SGCG: variants seen among roughly 807,000 people sequenced by gnomAD.
The protein encoded by SGCG is gamma-sarcoglycan.
Under a neutral mutation model 29.3 loss-of-function variants are expected in SGCG, and 26 were observed. The ratio of observed to expected loss-of-function variants is 0.89; its 90% CI spans 0.65 to 1.23. The LOEUF is 1.23. Ranked by LOEUF, SGCG falls within the 50% of genes most tolerant of loss-of-function variation. SGCG has a pLI of 0.00. For synonymous variants in SGCG, 145 were observed against 129.7 expected (o/e 1.12, Z -0.80); for missense variants, 353 against 356.0 (o/e 0.99, Z 0.07).
chr13:23,298,096 C>G (rs1280635796), intron 6 of SGCG, among the ~76,000 whole-genome samples: 1 of 133,608 alleles, frequency 7.5e-6, no homozygotes, highest in Non-Finnish European at 1.7e-5. Flanking sequence ...TGGCTCACAC[C>G]TGTAATCCCA....
At chr13:23,303,160 T>A (rs965239293) in intron 6 of SGCG, among the ~76,000 whole-genome samples, 1 of 150,272 alleles carries the variant, frequency 6.7e-6, no homozygotes, top group Non-Finnish European at 1.5e-5. Flanking sequence ...GTGTAATACA[T>A]CATAATCGAT....
chr13:23,235,527 C>T (rs1879277068), intron 3 of SGCG, among the ~76,000 whole-genome samples: 1 of 152,142 alleles, frequency 6.6e-6, no homozygotes, highest in South Asian at 2.1e-4. Flanking sequence ...TCAAGGTTTT[C>T]TTCATTTACC....
intron 6 of SGCG, among the ~76,000 whole-genome samples, chr13:23,317,601 T>C (rs1361097296): frequency 2.0e-5 from 3 of 152,242 alleles, no homozygotes; most frequent in African/African-American, 7.2e-5. Context: ...CTTTATTTTC[T>C]TTTCCTTTAT....
chr13:23,234,330 A>ATTT (rs1879224214), intron 2 of SGCG, among the ~76,000 whole-genome samples: 1 of 151,292 alleles, frequency 6.6e-6, no homozygotes, highest in African/African-American at 2.4e-5. Flanking sequence ...ATTTTTTTTA[A>ATTT]AAAAATGGAT....
At chr13:23,219,326 C>T (rs865794071) in intron 2 of SGCG, among the ~76,000 whole-genome samples, 2 of 152,084 alleles carry the variant, frequency 1.3e-5, no homozygotes, top group African/African-American at 4.8e-5. Context: ...GGATTACAGG[C>T]GTGAGCCACC....
At chr13:23,171,199 A>G in the SGCG span, among the ~76,000 whole-genome samples, 1 of 152,200 alleles carries the variant, frequency 6.6e-6, no homozygotes, top group Non-Finnish European at 1.5e-5. Context: ...TTCACTCAGC[A>G]TTAAGGAATA....
rs1223042134 is a variant in SGCG, at chr13:23,324,547, C to G, written c.*6C>G. The G allele has an allele frequency of 6.2e-7, 1 of 1,608,810 alleles. No individual in the cohort carries two copies. Among genetic ancestry groups the G allele is most frequent in the East Asian group, 2.2e-5 (1 of 44,874 alleles). On this transcript the variant is annotated 3_prime_UTR_variant, in exon 8 of 8. Coordinates refer to ENST00000218867, the MANE Select transcript of SGCG (RefSeq NM_000231.3). ...ACAACCACATCTGCCTCTGAGCTGC[C>G]TGCGTCCTCTCGGTGAGCTGTGCAG... is the stretch of plus-strand genomic sequence containing the variant.
At chr13:23,213,828 G>A (rs533469243) in intron 2 of SGCG, among the ~76,000 whole-genome samples, 4 of 152,120 alleles carry the variant, frequency 2.6e-5, no homozygotes, top group Non-Finnish European at 5.9e-5. Flanking sequence ...CCCTAAGGCA[G>A]CTGCATGCAG....
At chr13:23,173,970 G>A in the SGCG span, among the ~76,000 whole-genome samples, 2 of 152,154 alleles carry the variant, frequency 1.3e-5, no homozygotes, top group African/African-American at 2.4e-5. Context: ...GTGCAGCAAG[G>A]ACTTCAAAGT....
At chr13:23,285,241 A>C (rs551766314) in intron 5 of SGCG, among the ~76,000 whole-genome samples, 1 of 152,162 alleles carries the variant, frequency 6.6e-6, no homozygotes, top group African/African-American at 2.4e-5. Context: ...TGTCCCAGGG[A>C]GATGGGAGTT....
chr13:23,264,820 C>T (rs1233352935), intron 4 of SGCG, among the ~76,000 whole-genome samples: 1 of 152,008 alleles, frequency 6.6e-6, no homozygotes, highest in Non-Finnish European at 1.5e-5. Context: ...AAAACATAAA[C>T]TGGGGAAAAC....
chr13:23,202,489 A>G (rs1877806073), intron 1 of SGCG, among the ~76,000 whole-genome samples: 2 of 152,226 alleles, frequency 1.3e-5, no homozygotes, highest in Non-Finnish European at 1.5e-5. Context: ...AGAGAGAACC[A>G]TCAGGAATAC....
chr13:23,206,070 G>T (rs1877970058), intron 2 of SGCG, among the ~76,000 whole-genome samples: 2 of 152,230 alleles, frequency 1.3e-5, no homozygotes, highest in African/African-American at 4.8e-5. Flanking sequence ...TATATGTTTT[G>T]AAACAGTAAA....
At chr13:23,232,714 G>A (rs149388504) in intron 2 of SGCG, among the ~76,000 whole-genome samples, 8,142 of 152,094 alleles carry the variant, frequency 0.054, 238 homozygotes, top group South Asian at 0.076. Flanking sequence ...CCCAGGAGGC[G>A]GAGCTTGCAG....
intron 6 of SGCG, among the ~76,000 whole-genome samples, chr13:23,297,475 G>T (rs1179826610): frequency 6.7e-6 from 1 of 149,536 alleles, no homozygotes; most frequent in African/African-American, 2.6e-5. Context: ...TTAACAAAAA[G>T]TATTCCTTAC....
chr13:23,303,157 A>G (rs1019454964), intron 6 of SGCG, among the ~76,000 whole-genome samples: 3 of 151,410 alleles, frequency 2.0e-5, no homozygotes, highest in African/African-American at 7.3e-5. Context: ...CCAGTGTAAT[A>G]CATCATAATC....
chr13:23,162,426 C>T, the SGCG span, among the ~76,000 whole-genome samples: 5 of 152,130 alleles, frequency 3.3e-5, no homozygotes, highest in Non-Finnish European at 7.4e-5. Context: ...CATCCTGGCT[C>T]CTGGCTAACA....
intron 4 of SGCG, among the ~76,000 whole-genome samples, chr13:23,265,966 A>G (rs1042048015): frequency 2.0e-5 from 3 of 152,184 alleles, no homozygotes; most frequent in Non-Finnish European, 2.9e-5. Flanking sequence ...CTGCACACAC[A>G]TGTTTATCAC....
chr13:23,167,856 T>G, the SGCG span, among the ~76,000 whole-genome samples: 1 of 152,022 alleles, frequency 6.6e-6, no homozygotes, highest in Admixed American at 6.6e-5. Context: ...TTCAGCCTTC[T>G]GAGTAGCTGG....
Sources: gnomAD v4.1 joint callset for allele counts (sites outside exome capture counted in the v4.1 genomes callset) on GRCh38, gnomAD v4.1.1 for gene constraint, MANE v1.5 for transcripts, NCBI Gene and HGNC (gene_info 2026-07-23, HGNC 2026-07-21) for gene names.